Variants in POLR3F observed in about 807,000 individuals in gnomAD.
POLR3F encodes RNA polymerase III subunit F.
Under a neutral mutation model 43.6 loss-of-function variants are expected in POLR3F, and 31 were observed. The ratio of observed to expected loss-of-function variants is 0.71; its 90% CI spans 0.53 to 0.96. POLR3F has a LOEUF of 0.96. Among genes scored for constraint, POLR3F ranks in the 40% least tolerant of loss-of-function variants. The pLI is 0.00. For synonymous variants in POLR3F, 114 were observed against 132.5 expected, an observed-to-expected ratio of 0.86 and a Z score of 0.96; for missense variants, 316 against 391.7, an observed-to-expected ratio of 0.81 and a Z score of 1.63.
At chr20:18,474,804 G>A (rs1439716986) in intron 4 of POLR3F, among the ~76,000 whole-genome samples, 2 of 152,184 alleles carry the variant, frequency 1.3e-5, no homozygotes, top group Admixed American at 6.5e-5. Context: ...TTACAGGCAT[G>A]AGCCACCATG....
At chr20:18,468,273 C>T in intron 1 of POLR3F, among the ~76,000 whole-genome samples, 1 of 152,166 alleles carries the variant, frequency 6.6e-6, no homozygotes, top group Non-Finnish European at 1.5e-5. Context: ...GACGGGGTTT[C>T]ACCATGTTGT....
intron 2 of POLR3F, chr20:18,470,834 A>C (rs929089330): frequency 6.6e-6 from 1 of 152,428 alleles, no homozygotes; most frequent in African/African-American, 2.4e-5. Context: ...TTAATAAATC[A>C]TGTAATGTTT....
intron 5 of POLR3F, among the ~76,000 whole-genome samples, chr20:18,478,148 T>C (rs950536835): frequency 1.3e-5 from 2 of 152,142 alleles, no homozygotes; most frequent in African/African-American, 4.8e-5. Context: ...TAACAAGGCC[T>C]ATTGGGAAAT....
chr20:18,468,234 G>A (rs951303365), intron 1 of POLR3F, among the ~76,000 whole-genome samples: 2 of 152,048 alleles, frequency 1.3e-5, no homozygotes, highest in Non-Finnish European at 2.9e-5. Flanking sequence ...GCGCCACCAC[G>A]CCCAGCTAAT....
intron 2 of POLR3F, among the ~76,000 whole-genome samples, chr20:18,469,669 A>G (rs890944504): frequency 5.9e-5 from 9 of 152,266 alleles, no homozygotes; most frequent in African/African-American, 2.2e-4. Context: ...ACTCTAAACC[A>G]GGAAACAGCT....
chr20:18,467,690 C>A, intron 1 of POLR3F, 122 bp downstream of exon 1: 3 of 1,537,418 alleles, frequency 2.0e-6, no homozygotes, highest in South Asian at 2.4e-5. Context: ...GCGGGAAAAA[C>A]GATTGCGGGG....
chr20:18,480,202 C>T, intron 6 of POLR3F, 21 bp downstream of exon 6: 3 of 1,594,906 alleles, frequency 1.9e-6, no homozygotes, highest in Non-Finnish European at 2.6e-6. Context: ...ATTGAGGAAA[C>T]ATCACTGCAA....
At position 18,467,556 on chromosome 20, in the gene POLR3F, A is replaced by C. The variant is rs988222830; in HGVS notation, c.50A>C (p.Glu17Ala). ...CAGCCGCCTGACGCGGATCCGGTCGAAATAGAAAACAGGTAAACCAGTGAG... is the reference window on the plus strand; with the variant it reads ...CAGCCGCCTGACGCGGATCCGGTCGCAATAGAAAACAGGTAAACCAGTGAG... ...KVQPPDADPV[E>A]IENRIIELCH... The change falls in exon 1 of 9, where the codon GAA becomes GCA. Residue 17 changes from glutamate to alanine, a missense_variant. Physicochemically the swap from Glu to Ala is moderately radical, Grantham distance 107 (BLOSUM62 -1). This residue lies in a region of POLR3F where 122 missense variants were observed against 133.8 expected (regional missense o/e 0.91). Transcript: ENST00000377603. 6.2e-7 allele frequency: 1 copy of C among 1,614,136 alleles called. No homozygotes were observed. Among genetic ancestry groups the C allele is most frequent in the African/African-American group, 1.3e-5 (1 of 74,954 alleles).
chr20:18,476,095 A>G (rs554728663), intron 5 of POLR3F, among the ~76,000 whole-genome samples: 144 of 152,316 alleles, frequency 9.5e-4, no homozygotes, highest in African/African-American at 3.4e-3. Context: ...ATAATTCATC[A>G]TTCATACTAC....
chr20:18,479,985 T>G (rs115504648), intron 5 of POLR3F, 53 bp from the exon 6 acceptor site: 2 of 1,432,754 alleles, frequency 1.4e-6, no homozygotes, highest in South Asian at 2.6e-5. Context: ...GGTGTTTTTG[T>G]TTTTGGAAAT....
chr20:18,470,434 A>C (rs556328240), intron 2 of POLR3F, among the ~76,000 whole-genome samples: 2 of 152,352 alleles, frequency 1.3e-5, no homozygotes, highest in East Asian at 3.9e-4. Context: ...TTTTAGCAAG[A>C]AGCAGCCATG....
At chr20:18,482,209 G>A (rs1464303450) in intron 8 of POLR3F, among the ~76,000 whole-genome samples, 3 of 151,790 alleles carry the variant, frequency 2.0e-5, no homozygotes. Context: ...GGCTGGTCTC[G>A]AACTCCTGAC....
chr20:18,478,122 A>G (rs1450888439), intron 5 of POLR3F, among the ~76,000 whole-genome samples: 1 of 152,246 alleles, frequency 6.6e-6, no homozygotes, highest in Non-Finnish European at 1.5e-5. Flanking sequence ...GTGTGATCTA[A>G]GGGATTCACC....
chr20:18,477,162 A>G (rs6105927), intron 5 of POLR3F, among the ~76,000 whole-genome samples: 26,346 of 152,128 alleles, frequency 0.17, 2,529 homozygotes, highest in East Asian at 0.35. Flanking sequence ...CAAAGAAGAC[A>G]TACAGATGGC....
intron 2 of POLR3F, 124 bp from the exon 3 acceptor site, chr20:18,472,718 A>T (rs1338364492): frequency 1.1e-5 from 6 of 563,310 alleles, no homozygotes; most frequent in Non-Finnish European, 9.6e-6. Flanking sequence ...ATTTTGAAAA[A>T]TTTTGAGATT....
intron 7 of POLR3F, 74 bp from the exon 8 acceptor site, chr20:18,481,545 T>C (rs2059809729): frequency 9.7e-7 from 1 of 1,030,384 alleles, no homozygotes; most frequent in Non-Finnish European, 1.5e-6. Context: ...AGCAACCCTT[T>C]ACTGTTTTTA....
intron 5 of POLR3F, among the ~76,000 whole-genome samples, chr20:18,477,690 T>C: frequency 6.6e-6 from 1 of 152,196 alleles, no homozygotes; most frequent in Non-Finnish European, 1.5e-5. Flanking sequence ...CCGAAAAGGC[T>C]ACATACTGTA....
chr20:18,482,998 A>G (rs1039208403), intron 8 of POLR3F, among the ~76,000 whole-genome samples: 1 of 151,942 alleles, frequency 6.6e-6, no homozygotes, highest in Non-Finnish European at 1.5e-5. Flanking sequence ...ATGCCACAGT[A>G]AAAAAAGCCT....
Position 18,483,481 on chromosome 20 carries a change from G to A in POLR3F, c.874G>A (p.Val292Ile), listed in dbSNP as rs781599877. The A allele has an allele frequency of 1.4e-6, 2 of 1,453,862 alleles. No homozygotes were observed. Among genetic ancestry groups the A allele is most frequent in the Non-Finnish European group, 1.9e-6 (2 of 1,057,174 alleles). 90.1% of individuals were successfully genotyped at this position (1,453,862 alleles called of 1,614,324 possible). ...LVRAPCGLCP[V>I]FDDCHEGGEI... ...TATAATTTTTTTTTCTTTTTTAAAG[G>A]TTTTTGATGACTGCCACGAAGGTGG... Residue 292 changes from valine (V) to isoleucine (I), a missense_variant and splice_region_variant, in exon 9 of 9, where the codon GTT becomes ATT. Transcript: ENST00000377603.
Sources: gnomAD v4.1 joint callset for allele counts (sites outside exome capture counted in the v4.1 genomes callset) on GRCh38, gnomAD v4.1.1 for gene constraint, gnomAD v4.1.1 regional missense constraint, MANE v1.5 for transcripts, NCBI Gene and HGNC (gene_info 2026-07-23, HGNC 2026-07-21) for gene names.